ENOX2: variants seen among roughly 807,000 people sequenced by gnomAD.
The protein encoded by ENOX2 is APK1 antigen.
A neutral mutation model predicts 45.0 loss-of-function variants in ENOX2; 36 were observed. The ratio of observed to expected loss-of-function variants is 0.80; its 90% CI spans 0.61 to 1.06. The LOEUF (loss-of-function observed/expected upper bound fraction) is 1.06. ENOX2 is among the 50% of genes least tolerant of loss of function. The probability of loss-of-function intolerance (pLI) is 0.00; values close to 1 mark genes in which losing one functional copy is unlikely to be tolerated. For missense variants in ENOX2, 423 were observed against 462.5 expected (o/e 0.91, Z 0.78); for synonymous variants, 174 against 152.3 (o/e 1.14, Z -1.05).
intron 2 of ENOX2, among the ~76,000 whole-genome samples, chrX:130,802,596 A>T (rs1050683156): frequency 8.9e-6 from 1 of 111,909 alleles, no homozygotes; most frequent in African/African-American, 3.2e-5. Flanking sequence ...CAGAGACGCT[A>T]AAGTGACTTG....
intron 4 of ENOX2, among the ~76,000 whole-genome samples, chrX:130,691,859 A>G (rs1569487641): frequency 8.8e-6 from 1 of 113,100 alleles, no homozygotes; most frequent in Admixed American, 9.3e-5. Flanking sequence ...ACTGTCTACT[A>G]ATAAATGGAG....
At chrX:130,900,560 C>T (rs1219321066) in intron 2 of ENOX2, among the ~76,000 whole-genome samples, 1 of 112,145 alleles carries the variant, frequency 8.9e-6, no homozygotes, top group African/African-American at 3.2e-5. Flanking sequence ...TGCACTCCAA[C>T]CATGCTGAAT....
At chrX:130,899,786 T>G (rs2079115903) in intron 2 of ENOX2, among the ~76,000 whole-genome samples, 1 of 112,139 alleles carries the variant, frequency 8.9e-6, no homozygotes, top group Non-Finnish European at 1.9e-5. Flanking sequence ...GAGTGGTAAC[T>G]ATAGCTTCCA....
chrX:130,825,119 C>T (rs2077693932), intron 2 of ENOX2, among the ~76,000 whole-genome samples: 1 of 110,587 alleles, frequency 9.0e-6, no homozygotes, highest in Admixed American at 9.6e-5. Context: ...AGACATCCAT[C>T]AACAAGGAAA....
At position 130,688,739 on chromosome X, in the gene ENOX2, G is replaced by A. The variant is rs1207631051; in HGVS notation, c.253+124C>T. 4 of 569,036 alleles carry A rather than the reference G, an allele frequency of 7.0e-6. No homozygotes were observed. The Admixed American group carries it at 1.1e-4, about 15-fold the overall frequency. 46.9% of individuals were successfully genotyped at this position (569,036 alleles called of 1,213,427 possible). ...GCAAGAGAAAATTTTCCTGTCTTCT[G>A]TTCTCTAGGTGAAGCTTTCGTACAA... On this transcript the variant is annotated intron_variant, in intron 5 of 14. Transcript: ENST00000394363.
In ENOX2 at chrX:130,629,848, A is replaced by G. The variant is rs181497459; in HGVS notation, c.1528+1620T>C. Among the ~76,000 whole-genome samples, 335 of 112,001 alleles carry G rather than the reference A, an allele frequency of 3.0e-3. 1 individual carries two copies. Among genetic ancestry groups the G allele is most frequent in the Middle Eastern group, 9.2e-3 (2 of 218 alleles). On this transcript the variant is annotated intron_variant, in intron 13 of 14. Coordinates refer to ENST00000394363, the MANE Select transcript of ENOX2 (RefSeq NM_006375.4). ...ATGATTAGCCCCTCTTAAATATTTT[A>G]GAGCCTCAATCTGCCACTGTTCTCC...
chrX:130,875,067 G>C (rs1411336784), intron 2 of ENOX2, among the ~76,000 whole-genome samples: 1 of 111,658 alleles, frequency 9.0e-6, no homozygotes. Context: ...ATACCATGGA[G>C]ATTCTGGCTA....
intron 4 of ENOX2, among the ~76,000 whole-genome samples, chrX:130,693,637 T>G (rs1386900157): frequency 8.9e-6 from 1 of 112,210 alleles, no homozygotes; most frequent in East Asian, 2.8e-4. Flanking sequence ...ATAAGGCATA[T>G]GAGCAACAAA....
chrX:130,623,201 A>G lies in ENOX2; in HGVS notation c.*2113T>C. ...ATTAACCATAAAAACTAGTATATTC[A>G]AGCAAACTGGGAGGAGTATACCTAT... On this transcript the variant is annotated 3_prime_UTR_variant, in exon 15 of 15. Transcript: ENST00000394363. 8.9e-6 allele frequency among the ~76,000 whole-genome samples: 1 copy of G among 111,829 alleles called. No individual in the cohort carries two copies. Among genetic ancestry groups the G allele is most frequent in the East Asian group, 2.8e-4 (1 of 3,592 alleles).
intron 2 of ENOX2, among the ~76,000 whole-genome samples, chrX:130,840,900 A>G (rs1229201933): frequency 9.0e-6 from 1 of 111,721 alleles, no homozygotes; most frequent in African/African-American, 3.3e-5. Flanking sequence ...ACTTTGCTCA[A>G]TGAGACCTAC....
chrX:130,863,626 T>C (rs1273931007), intron 2 of ENOX2, among the ~76,000 whole-genome samples: 2 of 112,254 alleles, frequency 1.8e-5, no homozygotes, highest in Admixed American at 9.5e-5. Context: ...TAGTTAAAAA[T>C]TGAATTTAAA....
chrX:130,703,332 G>T, intron 3 of ENOX2, 78 bp from the exon 4 acceptor site: 1 of 978,331 alleles, frequency 1.0e-6, no homozygotes, highest in Admixed American at 2.9e-5. Flanking sequence ...ATAAATTCTG[G>T]CAAACTGTTT....
intron 2 of ENOX2, among the ~76,000 whole-genome samples, chrX:130,893,035 GA>G (rs2079007688): frequency 9.0e-6 from 1 of 111,701 alleles, no homozygotes; most frequent in African/African-American, 3.3e-5. Context: ...AGGAGAGGGG[GA>G]AAGGGGTATG....
chrX:130,859,825 A>AG (rs1402056486), intron 2 of ENOX2, among the ~76,000 whole-genome samples: 4 of 111,764 alleles, frequency 3.6e-5, no homozygotes, highest in African/African-American at 1.3e-4. Flanking sequence ...GGCAATAGAG[A>AG]GGACAGAAGA....
chrX:130,689,336 A>T (rs1187359282), intron 4 of ENOX2, among the ~76,000 whole-genome samples: 1 of 111,366 alleles, frequency 9.0e-6, no homozygotes, highest in African/African-American at 3.3e-5. Flanking sequence ...TCTCTGCTCC[A>T]TTCCGAGAAG....
intron 10 of ENOX2, among the ~76,000 whole-genome samples, chrX:130,652,114 C>G (rs2036418036): frequency 8.9e-6 from 1 of 112,093 alleles, no homozygotes; most frequent in Non-Finnish European, 1.9e-5. Context: ...GTCATGTATT[C>G]TGGCCCCTAC....
intron 3 of ENOX2, among the ~76,000 whole-genome samples, chrX:130,709,637 C>CAAAA (rs60183563): frequency 3.3e-5 from 1 of 30,118 alleles, no homozygotes; most frequent in Non-Finnish European, 6.3e-5. Flanking sequence ...GACTCTGTCT[C>CAAAA]AAAAAAAAAA....
intron 2 of ENOX2, among the ~76,000 whole-genome samples, chrX:130,785,761 T>G (rs1603349953): frequency 8.9e-6 from 1 of 112,371 alleles, no homozygotes; most frequent in African/African-American, 3.2e-5. Context: ...GTCCAAAACT[T>G]TTCTTGGAAT....
intron 3 of ENOX2, among the ~76,000 whole-genome samples, chrX:130,767,511 C>A (rs1470791818): frequency 8.9e-6 from 1 of 111,807 alleles, no homozygotes; most frequent in Non-Finnish European, 1.9e-5. Flanking sequence ...GTACTGGGTA[C>A]CTACTATGCA....
Sources: gnomAD v4.1 joint callset for allele counts (sites outside exome capture counted in the v4.1 genomes callset) on GRCh38, gnomAD v4.1.1 for gene constraint, MANE v1.5 for transcripts, NCBI Gene and HGNC (gene_info 2026-07-23, HGNC 2026-07-21) for gene names.